RAD52: variants seen among roughly 807,000 people sequenced by gnomAD.
The protein encoded by RAD52 is DNA repair protein RAD52 homolog.
A neutral mutation model predicts 55.5 loss-of-function variants in RAD52; 47 were observed. That is an observed-to-expected ratio of 0.85 (90% CI 0.67 to 1.08). The LOEUF (loss-of-function observed/expected upper bound fraction) is 1.08. Among genes scored for constraint, RAD52 ranks in the 50% least tolerant of loss-of-function variants. RAD52 has a pLI of 0.00. For synonymous variants in RAD52, 184 were observed against 198.9 expected (o/e 0.92, Z 0.63); for missense variants, 468 against 522.8 (o/e 0.90, Z 1.02).
intron 1 of RAD52, among the ~76,000 whole-genome samples, chr12:973,280 A>G (rs567324396): frequency 5.9e-5 from 9 of 152,076 alleles, no homozygotes; most frequent in African/African-American, 1.9e-4. Flanking sequence ...CATGTTAGCC[A>G]GGATGGTCTC....
At chr12:915,767 G>A (rs1383343670) in intron 9 of RAD52, among the ~76,000 whole-genome samples, 1 of 152,030 alleles carries the variant, frequency 6.6e-6, no homozygotes, top group Non-Finnish European at 1.5e-5. Context: ...GCCCAGGCTG[G>A]AGTGCAGTGG....
rs1028323506 is a variant in RAD52, at chr12:912,358, ACT to A, written c.*1031_*1032del. On this transcript the variant is annotated 3_prime_UTR_variant, in exon 12 of 12. Transcript: ENST00000358495. ...CTGCAGTGTATCTTCTTATACAAAA[ACT>A]CTGTTTCATGCACAAAATTATGTGT... 7.4e-5 allele frequency: 15 copies of A among 202,012 alleles called. No individual in the cohort carries two copies. Among genetic ancestry groups the A allele is most frequent in the East Asian group, 2.3e-4 (3 of 13,276 alleles). 12.5% of individuals were successfully genotyped at this position (202,012 alleles called of 1,614,324 possible).
chr12:935,834 C>T (rs1565677676), intron 1 of RAD52, among the ~76,000 whole-genome samples: 1 of 150,620 alleles, frequency 6.6e-6, no homozygotes, highest in Non-Finnish European at 1.5e-5. Context: ...GCCTGGGAAA[C>T]AAGAGTGAAA....
chr12:982,673 T>TA (rs1327950490), intron 1 of RAD52, among the ~76,000 whole-genome samples: 1 of 150,108 alleles, frequency 6.7e-6, no homozygotes, highest in South Asian at 2.1e-4. Flanking sequence ...TTTTTTTTTT[T>TA]TTTGGCGGGG....
At position 927,248 on chromosome 12, in the gene RAD52, C is replaced by T; in HGVS notation, c.364G>A (p.Glu122Lys). The T allele has an allele frequency of 6.2e-7, 1 of 1,613,836 alleles. No individual in the cohort carries two copies. The highest frequency in any genetic ancestry group is 8.5e-7 in the Non-Finnish European group (1 of 1,179,756). Residue 122 changes from glutamate to lysine, a missense_variant, in exon 6 of 12, where the codon GAA becomes AAA. Transcript: ENST00000358495. ...TCACTAACACCATAACCAACATCTTCATGATATGAACCATCCTGGGGGCAG... is the reference window on the plus strand; with the variant it reads ...TCACTAACACCATAACCAACATCTTTATGATATGAACCATCCTGGGGGCAG... The part of the protein sequence containing the change: ...RVQLKDGSYH[E>K]DVGYGVSEGL...
intron 1 of RAD52, among the ~76,000 whole-genome samples, chr12:960,032 A>G (rs982220543): frequency 6.6e-6 from 1 of 152,230 alleles, no homozygotes. Flanking sequence ...GAGGGAGGGC[A>G]CAGGCCTTAT....
chr12:980,103 T>C (rs892342150), intron 1 of RAD52, among the ~76,000 whole-genome samples: 3 of 151,818 alleles, frequency 2.0e-5, no homozygotes, highest in East Asian at 2.0e-4. Flanking sequence ...GCCAGGAAAA[T>C]TGCTTGAACC....
upstream of RAD52, among the ~76,000 whole-genome samples, chr12:950,294 G>A (rs1218611481): frequency 1.3e-5 from 2 of 152,150 alleles, no homozygotes; most frequent in Non-Finnish European, 2.9e-5. Context: ...CCCTGGGGCC[G>A]GGCGTGGTGG....
chr12:914,612 C>A, intron 9 of RAD52, 80 bp from the exon 10 acceptor site: 2 of 1,546,058 alleles, frequency 1.3e-6, no homozygotes, highest in Non-Finnish European at 1.8e-6. Flanking sequence ...CCACTCCCCT[C>A]TTGTTAGAGG....
In RAD52 at chr12:914,845, C is replaced by G. The variant is rs573736194; in HGVS notation, c.866-313G>C. 3.9e-5 allele frequency among the ~76,000 whole-genome samples: 6 copies of G among 152,252 alleles called. No individual in the cohort carries two copies. The East Asian group carries it at 1.2e-3, about 29-fold the overall frequency. ...GGCTCGCTTGTTAACAGCCATAACC[C>G]TTGCTCAAACAAAATCTTAAACTAA... On this transcript the variant is annotated intron_variant, in intron 9 of 11. Transcript: ENST00000358495.
chr12:924,466 AT>A (rs570860102), intron 7 of RAD52, among the ~76,000 whole-genome samples: 1 of 152,202 alleles, frequency 6.6e-6, no homozygotes, highest in Non-Finnish European at 1.5e-5. Flanking sequence ...TTTAAAAATG[AT>A]TTTTTTAAAG....
At chr12:981,012 A>G (rs1250373308) in intron 1 of RAD52, among the ~76,000 whole-genome samples, 1 of 152,036 alleles carries the variant, frequency 6.6e-6, no homozygotes, top group African/African-American at 2.4e-5. Context: ...CATCAACTCT[A>G]AGTCCAAAGG....
chr12:958,462 C>T (rs555753236), intron 1 of RAD52, among the ~76,000 whole-genome samples: 7 of 152,184 alleles, frequency 4.6e-5, no homozygotes, highest in South Asian at 2.1e-4. Context: ...GTGATCCACC[C>T]GCCTTGGCCT....
At chr12:917,086 T>A (rs774417905) in intron 7 of RAD52, among the ~76,000 whole-genome samples, 11 of 152,192 alleles carry the variant, frequency 7.2e-5, no homozygotes, top group Non-Finnish European at 1.5e-4. Flanking sequence ...CCTGGGCTGC[T>A]GGGTCTGTCT....
intron 1 of RAD52, among the ~76,000 whole-genome samples, chr12:933,442 G>A (rs1957445998): frequency 6.8e-6 from 1 of 146,738 alleles, no homozygotes; most frequent in South Asian, 2.2e-4. Flanking sequence ...GGGCGACAGA[G>A]CGAGACTCCA....
At chr12:922,963 T>TGGGATTACAGGCAGGCTGACCACC (rs748218798) in intron 7 of RAD52, among the ~76,000 whole-genome samples, 1 of 151,850 alleles carries the variant, frequency 6.6e-6, no homozygotes, top group Non-Finnish European at 1.5e-5. Context: ...CCAGAAGAGC[T>TGGGATTACAGGCAGGCTGACCACC]GGGATTACAG....
chr12:948,175 GA>G (rs1958361157), intron 1 of RAD52, among the ~76,000 whole-genome samples: 1 of 152,010 alleles, frequency 6.6e-6, no homozygotes, highest in Non-Finnish European at 1.5e-5. Context: ...GATGGACTTT[GA>G]ATCATGAAGT....
intron 1 of RAD52, among the ~76,000 whole-genome samples, chr12:982,673 T>TG (rs1327950490): frequency 1.3e-5 from 2 of 150,108 alleles, no homozygotes; most frequent in Non-Finnish European, 3.0e-5. Context: ...TTTTTTTTTT[T>TG]TTTGGCGGGG....
At chr12:952,697 G>A (rs989882318), upstream of RAD52, among the ~76,000 whole-genome samples, 1 of 150,506 alleles carries the variant, frequency 6.6e-6, no homozygotes, top group Non-Finnish European at 1.5e-5. Flanking sequence ...TTCGAGATCA[G>A]CCTGGCCAAC....
Sources: allele counts gnomAD v4.1 joint callset (sites outside exome capture counted in the v4.1 genomes callset), GRCh38; gene constraint gnomAD v4.1.1; transcripts MANE v1.5; gene names NCBI Gene and HGNC (gene_info 2026-07-23, HGNC 2026-07-21).